The following FBXO4 variants were observed in gnomAD, a reference collection of about 807,000 sequenced individuals.
FBXO4 encodes the protein F-box protein 4, also known as F-box only protein 4.
Under a neutral mutation model 43.7 loss-of-function variants are expected in FBXO4, and 36 were observed. The ratio of observed to expected loss-of-function variants is 0.82; its 90% CI spans 0.63 to 1.09. The LOEUF is 1.09. Ranked by LOEUF, FBXO4 falls within the 50% of genes least tolerant of loss-of-function variation. The pLI, the probability that FBXO4 is intolerant of heterozygous loss-of-function variation, is 0.00. For missense variants in FBXO4, 435 were observed against 474.1 expected (o/e 0.92, Z 0.77); for synonymous variants, 180 against 165.6 (o/e 1.09, Z -0.67).
At chr5:41,996,292 G>T in the FBXO4 span, among the ~76,000 whole-genome samples, 1 of 152,188 alleles carries the variant, frequency 6.6e-6, no homozygotes, top group Non-Finnish European at 1.5e-5. Context: ...ATGACAGGCA[G>T]TTCAGGTCAC....
chr5:41,962,348 T>C, the FBXO4 span, among the ~76,000 whole-genome samples: 1 of 152,302 alleles, frequency 6.6e-6, no homozygotes, highest in South Asian at 2.1e-4. Flanking sequence ...GGGATTCTTA[T>C]TAGCTATCCT....
At chr5:41,978,166 A>G in the FBXO4 span, among the ~76,000 whole-genome samples, 1 of 152,274 alleles carries the variant, frequency 6.6e-6, no homozygotes, top group Admixed American at 6.5e-5. Context: ...GGGAGATGCC[A>G]TGCTCTTTTA....
chr5:42,009,492 G>A, the FBXO4 span, among the ~76,000 whole-genome samples: 3 of 151,348 alleles, frequency 2.0e-5, no homozygotes, highest in African/African-American at 7.3e-5. Flanking sequence ...TTCTACTTTT[G>A]TTATCTGATT....
At chr5:41,940,916 CT>C (rs937319066) in intron 6 of FBXO4, among the ~76,000 whole-genome samples, 1 of 152,122 alleles carries the variant, frequency 6.6e-6, no homozygotes, top group African/African-American at 2.4e-5. Context: ...ATTTTTTCCC[CT>C]CATACATGGA....
chr5:41,952,453 C>A, the FBXO4 span, among the ~76,000 whole-genome samples: 1 of 152,068 alleles, frequency 6.6e-6, no homozygotes, highest in Non-Finnish European at 1.5e-5. Flanking sequence ...ACCCTTATTA[C>A]CTTTTTAACA....
the FBXO4 span, among the ~76,000 whole-genome samples, chr5:42,028,091 TTCTGTCTGGAAGA>T: frequency 7.2e-3 from 1,091 of 152,028 alleles, 3 homozygotes; most frequent in Middle Eastern, 0.024. Context: ...TTTTTTGATG[TTCTGTCTGGAAGA>T]TCTGTCTGGA....
the FBXO4 span, among the ~76,000 whole-genome samples, chr5:42,032,057 C>CTGTGTGTGTGTGTGTGTGTGTGTGTG: frequency 3.6e-5 from 5 of 139,236 alleles, no homozygotes; most frequent in East Asian, 1.1e-3. Flanking sequence ...GTCTTTTTTT[C>CTGTGTGTGTGTGTGTGTGTGTGTGTG]TGTGTGTGTG....
At chr5:41,949,409 T>C in the FBXO4 span, among the ~76,000 whole-genome samples, 3 of 152,102 alleles carry the variant, frequency 2.0e-5, no homozygotes, top group African/African-American at 7.2e-5. Context: ...TCACAAGCAT[T>C]CTTATACACC....
chr5:42,008,815 C>A, the FBXO4 span, among the ~76,000 whole-genome samples: 1 of 152,074 alleles, frequency 6.6e-6, no homozygotes, highest in African/African-American at 2.4e-5. Flanking sequence ...TAAAAGTAAG[C>A]TGATCTCTGT....
intron 2 of FBXO4, among the ~76,000 whole-genome samples, chr5:41,927,506 A>G (rs1205052390): frequency 6.6e-6 from 1 of 152,252 alleles, no homozygotes; most frequent in Non-Finnish European, 1.5e-5. Flanking sequence ...AAGACTTCTT[A>G]AAAGTCTCAT....
chr5:42,017,715 A>G, the FBXO4 span, among the ~76,000 whole-genome samples: 3 of 151,920 alleles, frequency 2.0e-5, no homozygotes, highest in Non-Finnish European at 4.4e-5. Context: ...TTCCTGCATC[A>G]ATTCACTTAG....
chr5:41,926,835 A>G (rs1050691334), intron 1 of FBXO4, among the ~76,000 whole-genome samples, 178 bp from the exon 2 acceptor site: 1 of 152,250 alleles, frequency 6.6e-6, no homozygotes, highest in African/African-American at 2.4e-5. Context: ...TAAAATGTTC[A>G]GTTATGATCC....
At chr5:41,973,370 A>G in the FBXO4 span, among the ~76,000 whole-genome samples, 1 of 152,200 alleles carries the variant, frequency 6.6e-6, no homozygotes, top group African/African-American at 2.4e-5. Context: ...ACAATGAGAT[A>G]TTATCTCACA....
At chr5:42,000,444 G>C in the FBXO4 span, among the ~76,000 whole-genome samples, 1 of 152,082 alleles carries the variant, frequency 6.6e-6, no homozygotes, top group Non-Finnish European at 1.5e-5. Context: ...TGTGTTACTT[G>C]TTTTTGAGAT....
Position 41,939,497 on chromosome 5 carries a change from G to C in FBXO4, c.955G>C (p.Gly319Arg). Residue 319 changes from glycine to arginine, a missense_variant, in exon 6 of 7, where the codon GGG becomes CGG. Physicochemically the swap from Gly to Arg is moderately radical, Grantham distance 125. Coordinates refer to ENST00000281623, the MANE Select transcript of FBXO4 (RefSeq NM_012176.3). ...HIMAMTDPAFGSSGRPLLVLS... is the reference protein window; with the variant it reads ...HIMAMTDPAFRSSGRPLLVLS... ...TATGGCAATGACAGATCCAGCCTTT[G>C]GGTCTTCGGGAAGACCATTGTTGGT... 6.2e-7 allele frequency: 1 copy of C among 1,613,740 alleles called. No homozygotes were observed.
the FBXO4 span, among the ~76,000 whole-genome samples, chr5:42,024,207 A>G: frequency 7.4e-4 from 113 of 152,158 alleles, no homozygotes; most frequent in African/African-American, 2.7e-3. Context: ...TACTTCTTGA[A>G]TTATTGTTAT....
the FBXO4 span, among the ~76,000 whole-genome samples, chr5:42,029,920 A>T: frequency 6.6e-6 from 1 of 152,046 alleles, no homozygotes; most frequent in Non-Finnish European, 1.5e-5. Flanking sequence ...ATTCTCTGAA[A>T]GGAGAACTAC....
chr5:42,023,570 C>A, the FBXO4 span, among the ~76,000 whole-genome samples: 2 of 151,852 alleles, frequency 1.3e-5, no homozygotes, highest in South Asian at 4.1e-4. Context: ...TTTTCCCATC[C>A]AGTTTCTAAG....
the FBXO4 span, among the ~76,000 whole-genome samples, chr5:42,011,427 G>A: frequency 6.6e-6 from 1 of 152,190 alleles, no homozygotes; most frequent in Non-Finnish European, 1.5e-5. Flanking sequence ...AGATGTGGCT[G>A]CTCATCCGGG....
Sources: gnomAD v4.1 joint callset for allele counts (sites outside exome capture counted in the v4.1 genomes callset) on GRCh38, gnomAD v4.1.1 for gene constraint, MANE v1.5 for transcripts, NCBI Gene and HGNC (gene_info 2026-07-23, HGNC 2026-07-21) for gene names.